The following BAZ2B variants were observed in gnomAD, a reference collection of about 807,000 sequenced individuals.
BAZ2B encodes bromodomain adjacent to zinc finger domain 2B.
Under a neutral mutation model 246.0 loss-of-function variants are expected in BAZ2B, and 91 were observed. The observed-to-expected ratio is 0.37, with a 90% CI of 0.31 to 0.44. BAZ2B has a LOEUF of 0.44. Among genes scored for constraint, BAZ2B ranks in the 20% least tolerant of loss-of-function variants. BAZ2B has a pLI of 1.00. For missense variants in BAZ2B, 2,332 were observed against 2,533.7 expected (o/e 0.92, Z 1.71); for synonymous variants, 855 against 860.0 (o/e 0.99, Z 0.10).
At chr2:159,637,764 G>C in the BAZ2B span, among the ~76,000 whole-genome samples, 3 of 152,086 alleles carry the variant, frequency 2.0e-5, no homozygotes, top group Non-Finnish European at 4.4e-5. Context: ...GTTTCACCAT[G>C]TTGACTACAC....
At chr2:159,434,011 T>C (rs2071643805) in intron 8 of BAZ2B, 1 of 152,218 alleles carries the variant, frequency 6.6e-6, no homozygotes, top group African/African-American at 2.4e-5. Flanking sequence ...GAGTATCAGT[T>C]GTCTGCCCTT....
At chr2:159,462,982 T>C in intron 3 of BAZ2B, 2 of 893,728 alleles carry the variant, frequency 2.2e-6, no homozygotes, top group Non-Finnish European at 1.9e-6. Context: ...GAAATTTTGT[T>C]TCTTGGATCT....
chr2:159,583,033 CAT>C (rs1158450458), intron 1 of BAZ2B, among the ~76,000 whole-genome samples: 1 of 151,026 alleles, frequency 6.6e-6, no homozygotes, highest in Non-Finnish European at 1.5e-5. Flanking sequence ...AATACTTATA[CAT>C]ATAAGTAAAA....
chr2:159,374,840 C>CAAAGT, intron 25 of BAZ2B, 87 bp from the exon 26 acceptor site: 1 of 1,175,360 alleles, frequency 8.5e-7, no homozygotes, highest in Admixed American at 1.8e-5. Context: ...CTCCTATAGG[C>CAAAGT]ACTGCGGAAA....
rs139430881 is a variant in BAZ2B at position 159,566,764 on chromosome 2, C to T, written c.-45-10899G>A. Reference sequence around the variant, plus strand: ...GATAAGTTACTCAAACACACATTTGCATTTTTAACTTTTCCCGCTCTAATT... The same window carrying T: ...GATAAGTTACTCAAACACACATTTGTATTTTTAACTTTTCCCGCTCTAATT... On this transcript the variant is annotated intron_variant, in intron 1 of 36. Transcript: ENST00000392783. Among the ~76,000 whole-genome samples the T allele has an allele frequency of 1.4e-4, 22 of 152,282 alleles. No homozygotes were observed. The East Asian group carries it at 4.2e-3, about 29-fold the overall frequency.
the BAZ2B span, among the ~76,000 whole-genome samples, chr2:159,697,915 T>C: frequency 4.6e-5 from 7 of 152,194 alleles, no homozygotes; most frequent in African/African-American, 1.7e-4. Flanking sequence ...TAACGGAAAT[T>C]TGGAACTACT....
chr2:159,334,556 G>T (rs2065303298), intron 33 of BAZ2B, among the ~76,000 whole-genome samples: 1 of 152,168 alleles, frequency 6.6e-6, no homozygotes, highest in Non-Finnish European at 1.5e-5. Flanking sequence ...GTTATAAGGT[G>T]CTTCTTAATC....
chr2:159,381,878 G>A (rs1267867503), intron 25 of BAZ2B, among the ~76,000 whole-genome samples: 1 of 152,084 alleles, frequency 6.6e-6, no homozygotes, highest in Non-Finnish European at 1.5e-5. Context: ...CTCTCTGCCT[G>A]GAACACTCTT....
chr2:159,627,094 T>C, the BAZ2B span, among the ~76,000 whole-genome samples: 1 of 152,092 alleles, frequency 6.6e-6, no homozygotes. Flanking sequence ...CATAGACACA[T>C]ACACCGTCCC....
At chr2:159,564,074 A>C (rs1435042718) in intron 1 of BAZ2B, among the ~76,000 whole-genome samples, 2 of 152,228 alleles carry the variant, frequency 1.3e-5, no homozygotes, top group African/African-American at 2.4e-5. Context: ...TTTGCAAACT[A>C]TCCTTCTTAT....
intron 27 of BAZ2B, among the ~76,000 whole-genome samples, chr2:159,363,341 C>T (rs899523051): frequency 2.6e-5 from 4 of 152,084 alleles, no homozygotes; most frequent in South Asian, 2.1e-4. Flanking sequence ...GCTGTGTTAG[C>T]GTAATTATAA....
At chr2:159,363,033 C>T (rs1296380053) in intron 27 of BAZ2B, among the ~76,000 whole-genome samples, 7 of 152,160 alleles carry the variant, frequency 4.6e-5, no homozygotes, top group Non-Finnish European at 7.3e-5. Context: ...GAGCAAGACT[C>T]TTATTAGCTC....
chr2:159,687,041 CA>C, the BAZ2B span, among the ~76,000 whole-genome samples: 5 of 109,552 alleles, frequency 4.6e-5, no homozygotes, highest in Admixed American at 3.1e-4. Context: ...GACTCCATCT[CA>C]AAAAAAAAAA....
intron 33 of BAZ2B, among the ~76,000 whole-genome samples, chr2:159,335,434 C>T (rs1487619576): frequency 6.6e-6 from 1 of 151,384 alleles, no homozygotes; most frequent in African/African-American, 2.4e-5. Flanking sequence ...GTAATCCCAG[C>T]TACTCGGGAG....
At chr2:159,620,569 T>C (rs967855649), upstream of BAZ2B, among the ~76,000 whole-genome samples, 5 of 152,194 alleles carry the variant, frequency 3.3e-5, no homozygotes, top group Non-Finnish European at 5.9e-5. Context: ...CAAAGAGATG[T>C]TATTTGAACT....
intron 33 of BAZ2B, among the ~76,000 whole-genome samples, chr2:159,334,897 A>T (rs11693026): frequency 0.34 from 52,078 of 151,982 alleles, 11,634 homozygotes; most frequent in Non-Finnish European, 0.51. Context: ...CTAGGACTTA[A>T]TCTTTTTTTT....
chr2:159,500,492 CT>C (rs758578307), intron 2 of BAZ2B, among the ~76,000 whole-genome samples: 1 of 152,124 alleles, frequency 6.6e-6, no homozygotes, highest in Non-Finnish European at 1.5e-5. Context: ...CAGCTTTGTT[CT>C]TTTTGCTTAT....
the BAZ2B span, among the ~76,000 whole-genome samples, chr2:159,687,425 A>G: frequency 6.6e-6 from 1 of 152,214 alleles, no homozygotes; most frequent in African/African-American, 2.4e-5. Flanking sequence ...TGGAGACTGT[A>G]GTCAATCACC....
chr2:159,572,722 T>C (rs1684324534), intron 1 of BAZ2B, among the ~76,000 whole-genome samples: 1 of 152,220 alleles, frequency 6.6e-6, no homozygotes, highest in Non-Finnish European at 1.5e-5. Flanking sequence ...TTTTATATTT[T>C]ACAATTATTT....
Sources: gnomAD v4.1 joint callset for allele counts (sites outside exome capture counted in the v4.1 genomes callset) on GRCh38, gnomAD v4.1.1 for gene constraint, MANE v1.5 for transcripts, NCBI Gene and HGNC (gene_info 2026-07-23, HGNC 2026-07-21) for gene names.